NF1: variants seen among roughly 807,000 people sequenced by gnomAD.
NF1 encodes neurofibromin.
In NF1, 122 loss-of-function variants were observed where a neutral mutation model predicts 325.7. The ratio of observed to expected loss-of-function variants is 0.37; its 90% confidence interval spans 0.32 to 0.44. NF1 has a LOEUF of 0.44. NF1 is among the 20% of genes least tolerant of loss of function. NF1 has a pLI of 1.00. For missense variants in NF1, 2,140 were observed against 3,415.4 expected, an observed-to-expected ratio of 0.63 and a Z score of 9.31; for synonymous variants, 1,091 against 1,186.0, an observed-to-expected ratio of 0.92 and a Z score of 1.65.
At chr17:31,249,277 A>G (rs1295236233) in intron 30 of NF1, among the ~76,000 whole-genome samples, 158 bp downstream of exon 30, 1 of 152,218 alleles carries the variant, frequency 6.6e-6, no homozygotes, top group Non-Finnish European at 1.5e-5. Flanking sequence ...ATTGTCTTTG[A>G]AAAAAACTTA....
intron 36 of NF1, chr17:31,297,510 G>T: frequency 6.6e-6 from 1 of 151,960 alleles, no homozygotes; most frequent in East Asian, 1.9e-4. Context: ...TCTGAGATTG[G>T]GTTCCATATT....
chr17:31,198,488 T>G (rs2066471531), intron 8 of NF1, among the ~76,000 whole-genome samples: 1 of 152,222 alleles, frequency 6.6e-6, no homozygotes, highest in African/African-American at 2.4e-5. Flanking sequence ...TTCGGTAGAC[T>G]GTGTGTTTGT....
At chr17:31,268,912 C>T (rs975600121) in intron 36 of NF1, among the ~76,000 whole-genome samples, 12 of 151,694 alleles carry the variant, frequency 7.9e-5, no homozygotes, top group East Asian at 3.9e-4. Context: ...TGCTATGTTG[C>T]GCAGGCTGGG....
At chr17:31,100,649 A>G (rs767657530) in intron 1 of NF1, among the ~76,000 whole-genome samples, 31 of 152,098 alleles carry the variant, frequency 2.0e-4, no homozygotes, top group Non-Finnish European at 3.1e-4. Context: ...AGCTCACTGC[A>G]ACGTCTGCCT....
At position 31,232,106 on chromosome 17, in the gene NF1, T is replaced by A. The variant is rs2151433723; in HGVS notation, c.3231T>A (p.Val1077=). 1 of 1,602,134 alleles carries A rather than the reference T, an allele frequency of 6.2e-7. No individual in the cohort carries two copies. Among genetic ancestry groups the A allele is most frequent in the Non-Finnish European group, 8.5e-7 (1 of 1,173,744 alleles). Residue 1077 remains valine (V), a synonymous_variant, in exon 25 of 58, where the codon GTT becomes GTA. Transcript: ENST00000358273. Reference sequence around the variant, plus strand: ...ACCAGGCAAGCATGGAAGCAGTAGTTTCACTTCTAGCTGGTCTCCCTCTGC... The same window carrying A: ...ACCAGGCAAGCATGGAAGCAGTAGTATCACTTCTAGCTGGTCTCCCTCTGC... ...DLDQASMEAV[V]SLLAGLPLQP... is the part of the protein sequence containing the mutation.
intron 1 of NF1, among the ~76,000 whole-genome samples, chr17:31,119,100 C>T (rs1007424449): frequency 6.6e-6 from 1 of 152,100 alleles, no homozygotes; most frequent in Non-Finnish European, 1.5e-5. Flanking sequence ...TGCCACCACA[C>T]CCAGCTAATT....
chr17:31,282,212 C>G (rs575316055), intron 36 of NF1, among the ~76,000 whole-genome samples: 1 of 152,042 alleles, frequency 6.6e-6, no homozygotes, highest in East Asian at 1.9e-4. Context: ...GAAACCCCGT[C>G]TCTACTAAAA....
rs1296739035 is a variant in NF1 at position 31,332,573 on chromosome 17, GGTTTTT to G, written c.5812+2076_5812+2081del. 8.0e-4 allele frequency among the ~76,000 whole-genome samples: 74 copies of G among 91,940 alleles called. 18 individuals are homozygous for G. The highest frequency in any genetic ancestry group is 6.3e-3 in the Admixed American group (63 of 9,948). 60.3% of individuals were successfully genotyped at this position (91,940 alleles called of 152,430 possible). On this transcript the variant is annotated intron_variant, in intron 39 of 57. Transcript: ENST00000358273. ...GGATTAACAGTAACATACAGATCATGGTTTTTTTTTTTTTTTTATTATACTCTAAGT... is the reference window on the plus strand; with the variant it reads ...GGATTAACAGTAACATACAGATCATGTTTTTTTTTTTATTATACTCTAAGT...
intron 36 of NF1, among the ~76,000 whole-genome samples, chr17:31,286,216 T>C (rs2068224022): frequency 6.6e-6 from 1 of 152,156 alleles, no homozygotes; most frequent in African/African-American, 2.4e-5. Flanking sequence ...TGCCTCAGCC[T>C]CCCGAGTAGC....
intron 36 of NF1, chr17:31,294,675 A>G (rs1237093714): frequency 8.9e-6 from 3 of 336,612 alleles, no homozygotes; most frequent in Non-Finnish European, 1.7e-5. Flanking sequence ...TATTTTCCAG[A>G]TGTTTGACAG....
intron 36 of NF1, among the ~76,000 whole-genome samples, chr17:31,276,635 G>A (rs935682442): frequency 5.3e-5 from 8 of 152,200 alleles, no homozygotes; most frequent in Admixed American, 3.9e-4. Context: ...ATGTTGCGCT[G>A]CAGAAATATT....
chr17:31,100,577 T>G (rs1912230110), intron 1 of NF1, among the ~76,000 whole-genome samples: 1 of 152,042 alleles, frequency 6.6e-6, no homozygotes. Context: ...TTTTATTTAT[T>G]TATTTATTTT....
intron 32 of NF1, 26 bp from the exon 33 acceptor site, chr17:31,259,006 A>G: frequency 1.4e-6 from 2 of 1,436,366 alleles, no homozygotes; most frequent in African/African-American, 1.4e-5. Context: ...TAATCTGATT[A>G]TTTATAACCC....
chr17:31,217,762 C>T (rs17884058), intron 13 of NF1, among the ~76,000 whole-genome samples: 1,626 of 151,202 alleles, frequency 0.011, 33 homozygotes, highest in African/African-American at 0.037. Context: ...GTCAGGAGTT[C>T]GAGACCAGCC....
At position 31,340,538 on chromosome 17, in the gene NF1, G is replaced by T. The variant is rs786203881; in HGVS notation, c.6955G>T (p.Ala2319Ser). 6.2e-7 allele frequency: 1 copy of T among 1,614,138 alleles called. No individual in the cohort carries two copies. The highest frequency in any genetic ancestry group is 8.5e-7 in the Non-Finnish European group (1 of 1,180,026). ...TCTGCACAAAGCCCTCTTTTGGGTAGCTGTGGCTGTGCTGCAGCTTGATGA... is the reference window on the plus strand; with the variant it reads ...TCTGCACAAAGCCCTCTTTTGGGTATCTGTGGCTGTGCTGCAGCTTGATGA... ...SPLHKALFWV[A>S]VAVLQLDEVN... is the part of the protein sequence containing the mutation. Residue 2319 changes from alanine (A) to serine (S), a missense_variant, in exon 47 of 58, where the codon GCT (alanine) becomes TCT (serine). Around this residue, in one of 10 missense-constraint regions of NF1, gnomAD observed 522 missense variants for 749.0 expected, o/e 0.70. Transcript: ENST00000358273.
At chr17:31,175,171 G>T (rs192352662) in intron 5 of NF1, among the ~76,000 whole-genome samples, 11 of 149,608 alleles carry the variant, frequency 7.4e-5, no homozygotes, top group Admixed American at 6.7e-4. Flanking sequence ...GGATACTATG[G>T]AAAAGAACAG....
At chr17:31,259,423 T>C (rs1367074421) in intron 33 of NF1, among the ~76,000 whole-genome samples, 3 of 152,154 alleles carry the variant, frequency 2.0e-5, no homozygotes, top group South Asian at 2.1e-4. Context: ...AAGGAAGAAG[T>C]AGGATTCTTT....
chr17:31,184,451 C>G (rs1337997082), intron 8 of NF1, among the ~76,000 whole-genome samples: 2 of 151,456 alleles, frequency 1.3e-5, no homozygotes, highest in African/African-American at 4.8e-5. Flanking sequence ...AGATCGAGAC[C>G]ATCCTGGCTA....
intron 50 of NF1, among the ~76,000 whole-genome samples, chr17:31,351,969 G>T (rs2070158902): frequency 6.6e-6 from 1 of 151,908 alleles, no homozygotes. Flanking sequence ...TAAGAGATTG[G>T]ACACCCCTGT....
Sources: allele counts gnomAD v4.1 joint callset (sites outside exome capture counted in the v4.1 genomes callset), GRCh38; gene constraint gnomAD v4.1.1; regional missense constraint gnomAD v4.1.1; transcripts MANE v1.5; gene names NCBI Gene and HGNC (gene_info 2026-07-23, HGNC 2026-07-21).